DAPK1: variants seen among roughly 807,000 people sequenced by gnomAD.
DAPK1 encodes the protein death-associated protein kinase 1.
Under a neutral mutation model 144.9 loss-of-function variants are expected in DAPK1, and 56 were observed. The ratio of observed to expected loss-of-function variants is 0.39; its 90% CI spans 0.31 to 0.48. The LOEUF is 0.48. DAPK1 is among the 20% of genes least tolerant of loss of function. The pLI is 0.95. For synonymous variants in DAPK1, 690 were observed against 749.0 expected, an observed-to-expected ratio of 0.92 and a Z score of 1.29; for missense variants, 1,454 against 1,875.4, an observed-to-expected ratio of 0.78 and a Z score of 4.15.
At chr9:87,618,393 C>T (rs1047056622) in intron 3 of DAPK1, among the ~76,000 whole-genome samples, 1 of 152,186 alleles carries the variant, frequency 6.6e-6, no homozygotes, top group Admixed American at 6.5e-5. Flanking sequence ...AAATGTTAAA[C>T]GTAGTTTTCA....
chr9:87,605,351 C>T (rs1828678544), intron 3 of DAPK1, among the ~76,000 whole-genome samples, 176 bp downstream of exon 3: 1 of 152,206 alleles, frequency 6.6e-6, no homozygotes, highest in South Asian at 2.1e-4. Context: ...CTGCAGGGAT[C>T]TAGAACAAAC....
chr9:87,609,926 A>G (rs1168690956), intron 3 of DAPK1, among the ~76,000 whole-genome samples: 1 of 152,132 alleles, frequency 6.6e-6, no homozygotes, highest in Non-Finnish European at 1.5e-5. Flanking sequence ...TATATATGTG[A>G]GTTCTGTCCT....
At chr9:87,653,671 T>G (rs1564050642) in intron 17 of DAPK1, among the ~76,000 whole-genome samples, 1 of 148,104 alleles carries the variant, frequency 6.8e-6, no homozygotes, top group Non-Finnish European at 1.5e-5. Flanking sequence ...TTTTATTTTA[T>G]TTATTTATTT....
chr9:87,707,038 C>A lies in DAPK1; in HGVS notation c.3967C>A (p.Leu1323Met), dbSNP rs778168085. ...LSRLLDPPDP[L>M]GKDWCLLAMN... ...TCGCCTGCTGGACCCGCCCGACCCC[C>A]TGGGGAAGGACTGGTGCCTTCTCGC... is the stretch of plus-strand genomic sequence containing the variant. The change falls in exon 26 of 26, where the codon CTG becomes ATG. Residue 1323 changes from leucine (L) to methionine (M), a missense_variant. Physicochemically the swap from Leu to Met is conservative, Grantham distance 15. Transcript: ENST00000408954. The surrounding 1 kb of genome is among the most constrained non-coding windows in gnomAD (Gnocchi z 4.0). The A allele has an allele frequency of 2.5e-6, 4 of 1,613,892 alleles. No individual in the cohort carries two copies. In the South Asian group the frequency reaches 4.4e-5, roughly 18 times the overall value.
intron 2 of DAPK1, among the ~76,000 whole-genome samples, chr9:87,571,460 CA>C (rs1564000696): frequency 7.6e-5 from 5 of 66,084 alleles, no homozygotes; most frequent in African/African-American, 4.0e-4. Flanking sequence ...CACACACACA[CA>C]CACACACACA....
At position 87,498,055 on chromosome 9, in the gene DAPK1, G is replaced by A. The variant is rs2117948526; in HGVS notation, c.-161G>A. ...GCTAGTCTCCGGCGCTGGCGCCTAT[G>A]GTCGGCCTCCGACAGCGCTCCGGAG... is the stretch of plus-strand genomic sequence containing the variant. On this transcript the variant is annotated 5_prime_UTR_variant, in exon 1 of 26. An upstream start codon of the reference 5' UTR is lost. Transcript: ENST00000408954. 1 of 397,764 alleles carries A rather than the reference G, an allele frequency of 2.5e-6. No individual in the cohort carries two copies. Among genetic ancestry groups the A allele is most frequent in the East Asian group, 3.6e-5 (1 of 28,014 alleles). 24.6% of individuals were successfully genotyped at this position (397,764 alleles called of 1,614,324 possible).
At chr9:87,676,687 G>T (rs1252775376) in intron 19 of DAPK1, among the ~76,000 whole-genome samples, 2 of 152,248 alleles carry the variant, frequency 1.3e-5, no homozygotes, top group Non-Finnish European at 2.9e-5. Context: ...GGCCAAGGCT[G>T]ACAGCTCCTG....
intron 2 of DAPK1, among the ~76,000 whole-genome samples, chr9:87,519,236 G>T (rs1032447392): frequency 1.3e-5 from 2 of 152,162 alleles, no homozygotes; most frequent in African/African-American, 2.4e-5. Context: ...GGCACCTCCC[G>T]CATGCACCAT....
Position 87,497,926 on chromosome 9 carries a change from G to A in DAPK1, c.-290G>A, listed in dbSNP as rs2117945445. 2 of 395,998 alleles carry A rather than the reference G, an allele frequency of 5.1e-6. No homozygotes were observed. Among genetic ancestry groups the A allele is most frequent in the African/African-American group, 2.1e-5 (1 of 48,648 alleles). 24.5% of individuals were successfully genotyped at this position (395,998 alleles called of 1,614,324 possible). ...CAACGCCGGGGACTTTGTTCCCTCC[G>A]CGGAGGGGACTCGGCAACTCGCAGC... On this transcript the variant is annotated 5_prime_UTR_variant, in exon 1 of 26. Coordinates refer to ENST00000408954, the MANE Select transcript of DAPK1 (RefSeq NM_004938.4).
At chr9:87,702,925 T>TC in intron 24 of DAPK1, 104 bp from the exon 25 acceptor site, 1 of 644,892 alleles carries the variant, frequency 1.6e-6, no homozygotes. Context: ...GTTCATCAAA[T>TC]CACCTGCAAG....
intron 18 of DAPK1, among the ~76,000 whole-genome samples, chr9:87,659,726 T>A (rs1830764560): frequency 6.6e-6 from 1 of 152,048 alleles, no homozygotes; most frequent in Non-Finnish European, 1.5e-5. Flanking sequence ...AGGAAAAGCG[T>A]CTTCTGTCCC....
intron 3 of DAPK1, among the ~76,000 whole-genome samples, chr9:87,622,840 G>A (rs528459458): frequency 1.3e-5 from 2 of 152,212 alleles, no homozygotes; most frequent in South Asian, 2.1e-4. Context: ...GAACCCGGGA[G>A]GTGGCGGTTG....
rs371992448 is a variant in DAPK1, at chr9:87,706,999, C to A, written c.3928C>A (p.Arg1310=). ...TGCATCAGACCTGAACCTCCTCACT[C>A]GGAGGAAACTGAGTCGCCTGCTGGA... The part of the protein sequence containing the change: ...IHASDLNLLT[R]RKLSRLLDPP... The change falls in exon 26 of 26, where the codon CGG becomes AGG. Residue 1310 remains arginine (R), a synonymous_variant. Coordinates refer to ENST00000408954, the MANE Select transcript of DAPK1 (RefSeq NM_004938.4). The surrounding 1 kb of genome is among the most constrained non-coding windows in gnomAD (Gnocchi z 9.0). 1 of 1,613,440 alleles carries A rather than the reference C, an allele frequency of 6.2e-7. No individual in the cohort carries two copies. Among genetic ancestry groups the A allele is most frequent in the Admixed American group, 1.7e-5 (1 of 60,020 alleles).
At position 87,520,357 on chromosome 9, in the gene DAPK1, G is replaced by C. The variant is rs1825249054; in HGVS notation, c.62+21218G>C. ...GGGAGGAAGTGGAGGAACTGCTGGGGTGTGAGGCTGTGAAAGGACCTTGGA... is the reference window on the plus strand; with the variant it reads ...GGGAGGAAGTGGAGGAACTGCTGGGCTGTGAGGCTGTGAAAGGACCTTGGA... On this transcript the variant is annotated intron_variant, in intron 2 of 25. Transcript: ENST00000408954. Among the ~76,000 whole-genome samples, 2 of 152,162 alleles carry C rather than the reference G, an allele frequency of 1.3e-5. 1 individual carries two copies. The highest frequency in any genetic ancestry group is 4.8e-5 in the African/African-American group (2 of 41,436).
chr9:87,587,567 A>G (rs942440553), intron 2 of DAPK1, among the ~76,000 whole-genome samples: 4 of 152,250 alleles, frequency 2.6e-5, no homozygotes, highest in African/African-American at 9.6e-5. Context: ...AAATTTGACC[A>G]TCCACTTCTA....
Position 87,681,604 on chromosome 9 carries a change from AC to A in DAPK1, c.2206del (p.Leu736TrpfsTer9), listed in dbSNP as rs768442722. 1 of 1,600,690 alleles carries A rather than the reference AC, an allele frequency of 6.2e-7. No homozygotes were observed. Among genetic ancestry groups the A allele is most frequent in the South Asian group, 1.1e-5 (1 of 90,794 alleles). ...STNSSRFPPS[P>X]LASKPTVSVS... ...CCAACTCCAGCAGGTTCCCACCTTC[AC>A]CCCTGGCTTCTAAGCCCACAGGTAG... On this transcript the variant is annotated frameshift_variant, in exon 20 of 26. Transcript: ENST00000408954. LOFTEE classifies it high-confidence loss of function.
At chr9:87,578,790 C>CTT (rs1827649314) in intron 2 of DAPK1, among the ~76,000 whole-genome samples, 1 of 152,222 alleles carries the variant, frequency 6.6e-6, no homozygotes, top group Non-Finnish European at 1.5e-5. Context: ...CTTCATCTTC[C>CTT]TTTTACTCAT....
intron 2 of DAPK1, among the ~76,000 whole-genome samples, chr9:87,538,918 A>T (rs2118444684): frequency 6.6e-6 from 1 of 151,664 alleles, no homozygotes; most frequent in East Asian, 1.9e-4. Flanking sequence ...GTTTATTTGG[A>T]TGCTAAGAGA....
Position 87,695,624 on chromosome 9 carries a change from G to A in DAPK1, c.2414-1383G>A, listed in dbSNP as rs148826044. Among the ~76,000 whole-genome samples, 604 of 152,290 alleles carry A rather than the reference G, an allele frequency of 4.0e-3. 6 individuals carry two copies. The highest frequency in any genetic ancestry group is 0.014 in the African/African-American group (568 of 41,550). The stretch of plus-strand genomic sequence containing the variant: ...CCTGCTTGACACTTTCCTGCCTGAA[G>A]GACCCCACCTCCTCCCAGATCCAAG... On this transcript the variant is annotated intron_variant, in intron 21 of 25. Coordinates refer to ENST00000408954, the MANE Select transcript of DAPK1 (RefSeq NM_004938.4).
Sources: gnomAD v4.1 joint callset for allele counts (sites outside exome capture counted in the v4.1 genomes callset) on GRCh38, gnomAD v4.1.1 for gene constraint, Gnocchi (gnomAD v3.1) non-coding constraint, MANE v1.5 for transcripts, NCBI Gene and HGNC (gene_info 2026-07-23, HGNC 2026-07-21) for gene names.